GKAP1: variants seen among roughly 807,000 people sequenced by gnomAD.
GKAP1 encodes the protein G kinase-anchoring protein 1.
In GKAP1, 31 loss-of-function variants were observed where a neutral mutation model predicts 56.7. The observed-to-expected ratio is 0.55, with a 90% CI of 0.41 to 0.74. GKAP1 has a LOEUF of 0.74. GKAP1 is among the 30% of genes least tolerant of loss of function. The pLI is 0.00. For synonymous variants in GKAP1, 151 were observed against 138.6 expected (o/e 1.09, Z -0.63); for missense variants, 364 against 402.3 (o/e 0.90, Z 0.82).
chr9:83,754,623 G>C (rs1943444161), intron 8 of GKAP1, among the ~76,000 whole-genome samples: 1 of 152,170 alleles, frequency 6.6e-6, no homozygotes, highest in Admixed American at 6.5e-5. Context: ...TGCAGGAAGG[G>C]CCTGGAGAAT....
At chr9:83,807,812 G>A (rs141615932) in intron 2 of GKAP1, among the ~76,000 whole-genome samples, 10 of 152,226 alleles carry the variant, frequency 6.6e-5, no homozygotes, top group African/African-American at 2.4e-4. Flanking sequence ...TGCAGGAAAG[G>A]GCTATGTAAA....
rs1944517556 is a variant in GKAP1 at position 83,812,265 on chromosome 9, A to C, written c.-44+4731T>G. The stretch of plus-strand genomic sequence containing the variant: ...TATACGTATATATGTATACGTATAT[A>C]TACACATATATATACACATATATAC... On this transcript the variant is annotated intron_variant, in intron 2 of 12. Transcript: ENST00000376371. Among the ~76,000 whole-genome samples, 5 of 148,188 alleles carry C rather than the reference A, an allele frequency of 3.4e-5. No individual in the cohort carries two copies. In the South Asian group the frequency reaches 1.0e-3, roughly 31 times the overall value.
intron 9 of GKAP1, among the ~76,000 whole-genome samples, chr9:83,752,053 T>C (rs111418481): frequency 0.034 from 5,191 of 152,240 alleles, 120 homozygotes; most frequent in Non-Finnish European, 0.049. Context: ...GAAAAATTAT[T>C]CAGCTACAAT....
intron 10 of GKAP1, among the ~76,000 whole-genome samples, chr9:83,744,216 C>T (rs1426054045): frequency 6.6e-6 from 1 of 152,188 alleles, no homozygotes; most frequent in Non-Finnish European, 1.5e-5. Flanking sequence ...ATTTCAATTA[C>T]AATCAGTTCT....
chr9:83,798,828 T>C (rs1944288176), intron 4 of GKAP1, among the ~76,000 whole-genome samples: 1 of 152,154 alleles, frequency 6.6e-6, no homozygotes. Flanking sequence ...ACACCCAGCC[T>C]AGTCACTGTG....
At chr9:83,777,063 G>A (rs1464528523) in intron 7 of GKAP1, among the ~76,000 whole-genome samples, 1 of 152,158 alleles carries the variant, frequency 6.6e-6, no homozygotes, top group African/African-American at 2.4e-5. Flanking sequence ...ACACGGACAT[G>A]ATAGAAAATT....
At chr9:83,803,522 C>T (rs912263114) in intron 3 of GKAP1, among the ~76,000 whole-genome samples, 36 of 152,222 alleles carry the variant, frequency 2.4e-4, no homozygotes, top group African/African-American at 7.7e-4. Flanking sequence ...CCCGAGGTGC[C>T]GGGATTGCAG....
At chr9:83,741,474 T>A (rs1235766831) in intron 12 of GKAP1, among the ~76,000 whole-genome samples, 1 of 151,902 alleles carries the variant, frequency 6.6e-6, no homozygotes, top group Non-Finnish European at 1.5e-5. Context: ...ATGATAGAGT[T>A]AGAAAATCAC....
intron 4 of GKAP1, among the ~76,000 whole-genome samples, chr9:83,797,867 G>A (rs993468312): frequency 1.3e-5 from 2 of 152,084 alleles, no homozygotes; most frequent in Non-Finnish European, 2.9e-5. Context: ...TGAAGACACT[G>A]GTAAATTCTA....
intron 5 of GKAP1, among the ~76,000 whole-genome samples, chr9:83,786,758 C>T (rs563578451): frequency 5.6e-4 from 85 of 152,128 alleles, no homozygotes; most frequent in Non-Finnish European, 1.0e-3. Flanking sequence ...TCATTATTGT[C>T]GGCTAAAATC....
rs1026654767 is a variant in GKAP1, at chr9:83,817,627, G to C, written c.-286C>G. The C allele has an allele frequency of 7.3e-5, 11 of 151,340 alleles. No homozygotes were observed. The highest frequency in any genetic ancestry group is 2.4e-4 in the African/African-American group (10 of 41,266). 9.4% of individuals were successfully genotyped at this position (151,340 alleles called of 1,614,324 possible). On this transcript the variant is annotated 5_prime_UTR_variant, in exon 1 of 13. Transcript: ENST00000376371. Reference sequence around the variant, plus strand: ...GGGCGTTGGGACTGGTCTGGGTCAAGTGTCGGCAGAGCTGGGGGCAGGCTC... The same window carrying C: ...GGGCGTTGGGACTGGTCTGGGTCAACTGTCGGCAGAGCTGGGGGCAGGCTC...
At chr9:83,795,959 C>T (rs960043368) in intron 4 of GKAP1, among the ~76,000 whole-genome samples, 12 of 152,188 alleles carry the variant, frequency 7.9e-5, no homozygotes, top group African/African-American at 2.7e-4. Context: ...CCTGATTCTT[C>T]ATCCTGTATA....
intron 9 of GKAP1, among the ~76,000 whole-genome samples, chr9:83,749,408 G>T (rs2131234806): frequency 6.6e-6 from 1 of 151,982 alleles, no homozygotes; most frequent in South Asian, 2.1e-4. Flanking sequence ...TGTATTTTCA[G>T]TACAGATGGG....
At chr9:83,810,300 A>G (rs191188024) in intron 2 of GKAP1, among the ~76,000 whole-genome samples, 62 of 152,360 alleles carry the variant, frequency 4.1e-4, no homozygotes, top group Non-Finnish European at 7.8e-4. Context: ...TCATTATTTA[A>G]AAGTCTAGAT....
At chr9:83,811,950 C>T (rs553101929) in intron 2 of GKAP1, among the ~76,000 whole-genome samples, 236 of 151,124 alleles carry the variant, frequency 1.6e-3, no homozygotes, top group African/African-American at 5.0e-3. Flanking sequence ...AATCTACATA[C>T]TATGTCAAAA....
chr9:83,788,003 C>T (rs1944092429), intron 5 of GKAP1, among the ~76,000 whole-genome samples: 1 of 152,226 alleles, frequency 6.6e-6, no homozygotes, highest in Admixed American at 6.5e-5. Context: ...ATCGGCAGGG[C>T]ACAGTGGCTC....
rs180833687 is a variant in GKAP1, at chr9:83,805,351, C to A, written c.216+951G>T. 3.1e-3 allele frequency among the ~76,000 whole-genome samples: 474 copies of A among 152,156 alleles called. 6 individuals carry two copies. The highest frequency in any genetic ancestry group is 0.011 in the African/African-American group (452 of 41,502). ...CTGCGGAAGGCCGCAGGGTCCTCTG[C>A]CTAGGAAAACCAGAAACCTTTGTTC... is the stretch of plus-strand genomic sequence containing the variant. On this transcript the variant is annotated intron_variant, in intron 3 of 12. Transcript: ENST00000376371.
chr9:83,777,086 C>T (rs1943876464), intron 7 of GKAP1, among the ~76,000 whole-genome samples: 1 of 152,168 alleles, frequency 6.6e-6, no homozygotes. Context: ...GAAGCTTATA[C>T]TGTAAAAAGC....
rs142254698 is a variant in GKAP1 at position 83,813,982 on chromosome 9, C to T, written c.-44+3014G>A. On this transcript the variant is annotated intron_variant, in intron 2 of 12. Transcript: ENST00000376371. ...AGGCATAGTGGTGCATGACTGTGGT[C>T]CCAGCTACTTGGGAGGCTAAGGTGG... 3.7e-3 allele frequency among the ~76,000 whole-genome samples: 570 copies of T among 152,202 alleles called. 9 individuals carry two copies. Among genetic ancestry groups the T allele is most frequent in the African/African-American group, 0.013 (535 of 41,504 alleles).
Sources: allele counts gnomAD v4.1 joint callset (sites outside exome capture counted in the v4.1 genomes callset), GRCh38; gene constraint gnomAD v4.1.1; transcripts MANE v1.5; gene names NCBI Gene and HGNC (gene_info 2026-07-23, HGNC 2026-07-21).